The following CPA3 variants were observed in gnomAD, a reference collection of about 807,000 sequenced individuals.
The protein encoded by CPA3 is carboxypeptidase A3.
A neutral mutation model predicts 55.8 loss-of-function variants in CPA3; 52 were observed. That is an observed-to-expected ratio of 0.93 (90% CI 0.75 to 1.17). CPA3 has a LOEUF of 1.17. Ranked by LOEUF, CPA3 falls within the 50% of genes most tolerant of loss-of-function variation. CPA3 has a pLI of 0.00. For synonymous variants in CPA3, 179 were observed against 171.2 expected (o/e 1.05, Z -0.36); for missense variants, 547 against 509.1 (o/e 1.07, Z -0.72).
chr3:148,896,458 T>C, intron 10 of CPA3, 62 bp from the exon 11 acceptor site: 1 of 1,368,452 alleles, frequency 7.3e-7, no homozygotes, highest in Admixed American at 2.1e-5. Context: ...ACCACTGATT[T>C]CCACTTTAAA....
intron 10 of CPA3, among the ~76,000 whole-genome samples, chr3:148,894,114 T>A (rs1714756285): frequency 6.6e-6 from 1 of 152,082 alleles, no homozygotes; most frequent in Non-Finnish European, 1.5e-5. Context: ...ATAAATAAAT[T>A]AAATAATAGA....
At chr3:148,893,205 T>C (rs9872773) in intron 10 of CPA3, among the ~76,000 whole-genome samples, 65,974 of 151,260 alleles carry the variant, frequency 0.44, 16,728 homozygotes, top group Non-Finnish European at 0.57. Context: ...ATGATTGCAG[T>C]TTCAAACATT....
At chr3:148,873,373 A>ACGCG (rs142730237) in intron 3 of CPA3, among the ~76,000 whole-genome samples, 2 of 126,170 alleles carry the variant, frequency 1.6e-5, no homozygotes, top group Non-Finnish European at 3.7e-5. Context: ...ACGCGCGCAC[A>ACGCG]CGCGCACACA....
chr3:148,866,187 A>G (rs959341891), intron 2 of CPA3, among the ~76,000 whole-genome samples: 1 of 152,370 alleles, frequency 6.6e-6, no homozygotes, highest in Admixed American at 6.5e-5. Context: ...AAGACAATAA[A>G]TTAAATGACC....
In CPA3 at chr3:148,896,533, T is replaced by C; in HGVS notation, c.1080T>C (p.Gly360=). The C allele has an allele frequency of 6.6e-7, 1 of 1,511,590 alleles. No homozygotes were observed. Among genetic ancestry groups the C allele is most frequent in the South Asian group, 1.3e-5 (1 of 75,898 alleles). The allele number at this position is 1,511,590 out of a possible 1,614,324, so 93.6% of individuals were successfully genotyped here. A position where few individuals can be genotyped will look rare whatever the true frequency, so the allele number is the denominator to read the frequency against. The change falls in exon 11 of 11, where the codon GGT becomes GGC. Residue 360 remains glycine (G), a synonymous_variant. Coordinates refer to ENST00000296046, the MANE Select transcript of CPA3 (RefSeq NM_001870.4). ...PIESTIYPIS[G]SSLDWAYDLG... is the part of the protein sequence containing the mutation. The stretch of plus-strand genomic sequence containing the variant: ...TGTGTTTTACAGACCCGATATCAGG[T>C]TCTTCTTTAGACTGGGCTTATGACC...
chr3:148,895,598 C>T (rs1261124848), intron 10 of CPA3, among the ~76,000 whole-genome samples: 2 of 152,122 alleles, frequency 1.3e-5, no homozygotes, highest in Admixed American at 6.5e-5. Flanking sequence ...TTACTCTCCC[C>T]AGTGCCAAGA....
At chr3:148,892,508 C>T (rs987301596) in intron 10 of CPA3, among the ~76,000 whole-genome samples, 3 of 151,892 alleles carry the variant, frequency 2.0e-5, no homozygotes, top group African/African-American at 7.3e-5. Context: ...CAAAAATTAG[C>T]TAGGTGTGGT....
chr3:148,868,237 C>G (rs1021356533), intron 2 of CPA3, among the ~76,000 whole-genome samples: 3 of 150,730 alleles, frequency 2.0e-5, no homozygotes, highest in Non-Finnish European at 4.4e-5. Context: ...AGCTCATATA[C>G]CAAATTTTTG....
chr3:148,895,273 G>GTAGT (rs370922128), intron 10 of CPA3, among the ~76,000 whole-genome samples: 12 of 152,136 alleles, frequency 7.9e-5, no homozygotes, highest in African/African-American at 2.9e-4. Context: ...TTCTATCCTT[G>GTAGT]TAGTTCACTG....
chr3:148,891,507 C>CACAT (rs1379441382), intron 10 of CPA3, among the ~76,000 whole-genome samples: 1 of 132,126 alleles, frequency 7.6e-6, no homozygotes, highest in Non-Finnish European at 1.6e-5. Context: ...CACACACACA[C>CACAT]ACACATACAC....
intron 3 of CPA3, 52 bp downstream of exon 3, chr3:148,869,091 C>A (rs761675610): frequency 4.4e-6 from 7 of 1,595,124 alleles, no homozygotes; most frequent in African/African-American, 1.3e-5. Flanking sequence ...GTTTTGGGAG[C>A]CTTGAAGTAG....
Position 148,896,785 on chromosome 3 carries a change from C to G in CPA3, c.*78C>G, listed in dbSNP as rs572952464. 8.5e-7 allele frequency: 1 copy of G among 1,172,770 alleles called. No homozygotes were observed. The highest frequency in any genetic ancestry group is 2.5e-5 in the East Asian group (1 of 40,616). The allele number at this position is 1,172,770 out of a possible 1,614,324, so 72.6% of individuals were successfully genotyped here. ...TCAGAAAGTCAATCTTCAGTTATCCCCAAATGCAGCTTCTATTTCACCTGA... is the reference window on the plus strand; with the variant it reads ...TCAGAAAGTCAATCTTCAGTTATCCGCAAATGCAGCTTCTATTTCACCTGA... On this transcript the variant is annotated 3_prime_UTR_variant, in exon 11 of 11. Transcript: ENST00000296046.
chr3:148,892,378 C>A (rs1714694864), intron 10 of CPA3, among the ~76,000 whole-genome samples: 1 of 152,084 alleles, frequency 6.6e-6, no homozygotes, highest in Non-Finnish European at 1.5e-5. Context: ...GTCAGCTGAG[C>A]ACGGTGGCTC....
chr3:148,892,523 C>T lies in CPA3; in HGVS notation c.1067-3997C>T, dbSNP rs145619796. 3.8e-3 allele frequency among the ~76,000 whole-genome samples: 578 copies of T among 151,284 alleles called. 2 individuals carry two copies. The highest frequency in any genetic ancestry group is 0.014 in the African/African-American group (556 of 41,180). On this transcript the variant is annotated intron_variant, in intron 10 of 10. Coordinates refer to ENST00000296046, the MANE Select transcript of CPA3 (RefSeq NM_001870.4). ...CAAAAATTAGCTAGGTGTGGTGGTA[C>T]GCACCTGTAGTCCCAGCTACTCAAG... is the stretch of plus-strand genomic sequence containing the variant.
chr3:148,879,723 T>C, intron 5 of CPA3, 65 bp from the exon 6 acceptor site: 1 of 1,039,304 alleles, frequency 9.6e-7, no homozygotes, highest in Non-Finnish European at 1.5e-6. Context: ...GAATGAGTTA[T>C]TGGTCAACAA....
rs1361549614 is a variant in CPA3, at chr3:148,878,544, G to T, written c.372+1G>T. On this transcript the variant is annotated splice_donor_variant, in intron 4 of 10. Transcript: ENST00000296046. LOFTEE classifies it high-confidence loss of function. The stretch of plus-strand genomic sequence containing the variant: ...CGCAAAATACAATAATTGGGAAAAG[G>T]TACAGTAAAAAATGCCTGTACTTTT... 2.2e-5 allele frequency: 35 copies of T among 1,606,212 alleles called. No homozygotes were observed. In the South Asian group the frequency reaches 2.3e-4, roughly 11 times the overall value.
intron 3 of CPA3, among the ~76,000 whole-genome samples, chr3:148,877,080 G>T (rs1443144268): frequency 6.6e-6 from 1 of 152,208 alleles, no homozygotes; most frequent in African/African-American, 2.4e-5. Context: ...ACGTCATGTA[G>T]GCAGTTGGAT....
rs141357361 is a variant in CPA3 at position 148,881,570 on chromosome 3, C to A, written c.625C>A (p.Arg209=). 2.7e-4 allele frequency: 429 copies of A among 1,612,658 alleles called. 2 individuals carry two copies. In the African/African-American group the frequency reaches 5.1e-3, roughly 19 times the overall value. ...RNKIMTKLLD[R]MNFYILPVFN... Reference sequence around the variant, plus strand: ...CAAAATTATGACCAAACTCTTGGACCGAATGAATTTTTACATTCTTCCTGT... The same window carrying A: ...CAAAATTATGACCAAACTCTTGGACAGAATGAATTTTTACATTCTTCCTGT... The change falls in exon 7 of 11, where the codon CGA becomes AGA. Residue 209 remains arginine, a synonymous_variant. Transcript: ENST00000296046.
intron 10 of CPA3, among the ~76,000 whole-genome samples, chr3:148,894,441 A>G (rs1250408559): frequency 7.1e-6 from 1 of 140,538 alleles, no homozygotes; most frequent in Non-Finnish European, 1.5e-5. Context: ...AAGAAAAAAA[A>G]GATAAAGGGA....
Sources: allele counts gnomAD v4.1 joint callset (sites outside exome capture counted in the v4.1 genomes callset), GRCh38; gene constraint gnomAD v4.1.1; transcripts MANE v1.5; gene names NCBI Gene and HGNC (gene_info 2026-07-23, HGNC 2026-07-21).